Variants in LRRC53 observed in about 807,000 individuals in gnomAD.
LRRC53 encodes leucine-rich repeat-containing protein 53.
In LRRC53, 25 loss-of-function variants were observed where a neutral mutation model predicts 13.6. The observed-to-expected ratio is 1.83, with a 90% CI of 1.34 to 2.56. LRRC53 has a LOEUF of 2.56. LRRC53 is among the 30% of genes most tolerant of loss of function. LRRC53 has a pLI of 0.00. For synonymous variants in LRRC53, 204 were observed against 109.8 expected (o/e 1.86, Z -5.37); for missense variants, 527 against 275.8 (o/e 1.91, Z -6.45).
At chr1:74,495,076 T>G (rs1669259082) in intron 1 of LRRC53, among the ~76,000 whole-genome samples, 1 of 152,206 alleles carries the variant, frequency 6.6e-6, no homozygotes, top group African/African-American at 2.4e-5. Flanking sequence ...TCAGCTTTTT[T>G]GAGATGCTCC....
the LRRC53 span, among the ~76,000 whole-genome samples, chr1:74,534,704 G>A: frequency 6.6e-6 from 1 of 150,648 alleles, no homozygotes; most frequent in African/African-American, 2.4e-5. Flanking sequence ...TATCTTGTAA[G>A]CATTGCAACA....
At chr1:74,492,736 T>A (rs1669142164) in intron 1 of LRRC53, among the ~76,000 whole-genome samples, 2 of 152,170 alleles carry the variant, frequency 1.3e-5, no homozygotes, top group African/African-American at 4.8e-5. Flanking sequence ...TAGAGCAATA[T>A]TTATAATAAC....
At chr1:74,481,750 A>G (rs1668515928) in intron 2 of LRRC53, among the ~76,000 whole-genome samples, 1 of 152,214 alleles carries the variant, frequency 6.6e-6, no homozygotes, top group Non-Finnish European at 1.5e-5. Context: ...TTAACTCAAT[A>G]AAGAAGTATT....
intron 1 of LRRC53, among the ~76,000 whole-genome samples, chr1:74,496,087 C>A (rs180839062): frequency 2.8e-4 from 43 of 152,284 alleles, no homozygotes; most frequent in African/African-American, 1.0e-3. Flanking sequence ...CCAATTAAAC[C>A]AAAACCCATG....
chr1:74,523,347 GT>G, the LRRC53 span, among the ~76,000 whole-genome samples: 1 of 151,970 alleles, frequency 6.6e-6, no homozygotes, highest in Non-Finnish European at 1.5e-5. Flanking sequence ...TGATATTTGT[GT>G]TTTTCTATAC....
the LRRC53 span, among the ~76,000 whole-genome samples, chr1:74,518,874 CTTT>C: frequency 9.3e-4 from 27 of 29,058 alleles, no homozygotes; most frequent in East Asian, 8.5e-3. Flanking sequence ...TTTTTTTCCC[CTTT>C]TTTTTTTTTT....
chr1:74,527,361 T>C, the LRRC53 span, among the ~76,000 whole-genome samples: 53 of 152,200 alleles, frequency 3.5e-4, no homozygotes, highest in Non-Finnish European at 6.6e-4. Context: ...ATTCAATCAA[T>C]CATTTCTTTA....
At chr1:74,493,178 A>C (rs1222663628) in intron 1 of LRRC53, among the ~76,000 whole-genome samples, 1 of 152,160 alleles carries the variant, frequency 6.6e-6, no homozygotes, top group Non-Finnish European at 1.5e-5. Flanking sequence ...TAAAAACAAA[A>C]AGCAAATGGG....
chr1:74,506,157 A>G (rs1023470324), intron 1 of LRRC53, among the ~76,000 whole-genome samples: 4 of 152,170 alleles, frequency 2.6e-5, no homozygotes, highest in Non-Finnish European at 2.9e-5. Context: ...CAAAGGATAA[A>G]AAGAGAAGAC....
chr1:74,497,125 A>T (rs1669368512), intron 1 of LRRC53, among the ~76,000 whole-genome samples: 1 of 152,180 alleles, frequency 6.6e-6, no homozygotes, highest in South Asian at 2.1e-4. Context: ...AGTTGAATAT[A>T]ACTTATAAAA....
At chr1:74,498,474 T>A (rs544016595) in intron 1 of LRRC53, among the ~76,000 whole-genome samples, 1 of 152,342 alleles carries the variant, frequency 6.6e-6, no homozygotes, top group Admixed American at 6.5e-5. Flanking sequence ...TTCTCTTCTT[T>A]TTTGTTTTGT....
At chr1:74,508,371 C>G (rs1269339614) in intron 1 of LRRC53, among the ~76,000 whole-genome samples, 2 of 152,164 alleles carry the variant, frequency 1.3e-5, no homozygotes, top group South Asian at 2.1e-4. Context: ...AATGTGTTAT[C>G]TCATTTAATC....
the LRRC53 span, among the ~76,000 whole-genome samples, chr1:74,526,980 T>C: frequency 3.9e-5 from 6 of 152,228 alleles, no homozygotes; most frequent in Non-Finnish European, 7.3e-5. Context: ...GACCATATGG[T>C]CCACAAAGCC....
At chr1:74,514,601 G>A (rs1646321535), upstream of LRRC53, among the ~76,000 whole-genome samples, 1 of 152,094 alleles carries the variant, frequency 6.6e-6, no homozygotes, top group South Asian at 2.1e-4. Context: ...TTGAAGATGG[G>A]AAAACTGGTC....
At chr1:74,483,955 GCT>G (rs1668624665) in intron 1 of LRRC53, among the ~76,000 whole-genome samples, 2 of 152,036 alleles carry the variant, frequency 1.3e-5, no homozygotes, top group Non-Finnish European at 1.5e-5. Context: ...TTTGAATTCA[GCT>G]CTGTTTTTAC....
chr1:74,519,892 T>G, the LRRC53 span, among the ~76,000 whole-genome samples: 1 of 152,102 alleles, frequency 6.6e-6, no homozygotes, highest in Non-Finnish European at 1.5e-5. Context: ...GGAGCACAGA[T>G]CCACCTTCTC....
chr1:74,509,740 T>C (rs1670081713), intron 1 of LRRC53, among the ~76,000 whole-genome samples: 1 of 146,632 alleles, frequency 6.8e-6, no homozygotes, highest in Admixed American at 7.0e-5. Flanking sequence ...TTGAGTGATC[T>C]GAATTTCTTT....
chr1:74,490,963 C>T (rs1669038985), intron 1 of LRRC53, among the ~76,000 whole-genome samples: 2 of 152,078 alleles, frequency 1.3e-5, no homozygotes, highest in Admixed American at 6.5e-5. Flanking sequence ...ATAATAAGCT[C>T]ATTGGGAGTT....
chr1:74,483,182 CA>C lies in LRRC53; in HGVS notation c.88+79del, dbSNP rs546398661. 2.6e-4 allele frequency: 180 copies of C among 687,910 alleles called. 3 individuals carry two copies. In the South Asian group the frequency reaches 2.7e-3, roughly 10 times the overall value. The allele number at this position is 687,910 out of a possible 1,614,324, so 42.6% of individuals were successfully genotyped here. ...TACCTCTTAAGCTGAGCCCAGAGAA[CA>C]GTCAGTACAATGAAAGGTATGGCAA... On this transcript the variant is annotated intron_variant, in intron 2 of 4. Coordinates refer to ENST00000294635, the MANE Select transcript of LRRC53 (RefSeq NM_001382280.1).
Sources: allele counts gnomAD v4.1 joint callset (sites outside exome capture counted in the v4.1 genomes callset), GRCh38; gene constraint gnomAD v4.1.1; transcripts MANE v1.5; gene names NCBI Gene and HGNC (gene_info 2026-07-23, HGNC 2026-07-21).